Variants in SLC8A1 observed in about 807,000 individuals in gnomAD.
SLC8A1 encodes the protein sodium/calcium exchanger 1.
A neutral mutation model predicts 68.3 loss-of-function variants in SLC8A1; 18 were observed. The observed-to-expected ratio is 0.26, with a 90% CI of 0.18 to 0.39. SLC8A1 has a LOEUF of 0.39. Ranked by LOEUF, SLC8A1 falls within the 10% of genes least tolerant of loss-of-function variation. The probability of loss-of-function intolerance (pLI) is 1.00; values close to 1 mark genes in which losing one functional copy is unlikely to be tolerated. For missense variants in SLC8A1, 985 were observed against 1,156.7 expected, an observed-to-expected ratio of 0.85 and a Z score of 2.15; for synonymous variants, 475 against 415.5, an observed-to-expected ratio of 1.14 and a Z score of -1.74.
intron 1 of SLC8A1, among the ~76,000 whole-genome samples, chr2:40,445,691 C>G (rs1245097858): frequency 6.6e-6 from 1 of 152,140 alleles, no homozygotes; most frequent in East Asian, 1.9e-4. Flanking sequence ...GAACTTCTGA[C>G]AGCTAGCTGC....
At chr2:40,301,001 A>G (rs1345476372) in intron 2 of SLC8A1, among the ~76,000 whole-genome samples, 1 of 152,176 alleles carries the variant, frequency 6.6e-6, no homozygotes. Context: ...AAAAGAGGTA[A>G]GAAAATGTGG....
intron 2 of SLC8A1, among the ~76,000 whole-genome samples, chr2:40,369,214 G>A (rs1387722068): frequency 6.6e-6 from 1 of 152,084 alleles, no homozygotes; most frequent in African/African-American, 2.4e-5. Context: ...AAGAGCTTCT[G>A]CAAGGCAAAA....
At position 40,173,964 on chromosome 2, in the gene SLC8A1, T is replaced by G. The variant is rs56666599; in HGVS notation, c.1930+861A>C. 7.6e-3 allele frequency among the ~76,000 whole-genome samples: 1,156 copies of G among 152,290 alleles called. 7 individuals are homozygous for G. The highest frequency in any genetic ancestry group is 0.026 in the African/African-American group (1,081 of 41,572). On this transcript the variant is annotated intron_variant, in intron 4 of 7. Transcript: ENST00000406785. ...CTTTGTTTTGTACACAAGAATATAG[T>G]TTTAGAGTTGTGCTAAATAATGCAA...
At chr2:40,310,519 A>T (rs973100596) in intron 2 of SLC8A1, among the ~76,000 whole-genome samples, 1 of 152,194 alleles carries the variant, frequency 6.6e-6, no homozygotes. Flanking sequence ...CAAGCAGCCA[A>T]GGATCTGTAG....
At chr2:40,129,034 T>C (rs1365292227) in intron 7 of SLC8A1, among the ~76,000 whole-genome samples, 1 of 152,182 alleles carries the variant, frequency 6.6e-6, no homozygotes, top group Non-Finnish European at 1.5e-5. Flanking sequence ...ACTGGGGTGA[T>C]GAAATGTTCT....
chr2:40,194,918 C>G (rs934334570), intron 2 of SLC8A1, among the ~76,000 whole-genome samples: 1 of 152,088 alleles, frequency 6.6e-6, no homozygotes, highest in Non-Finnish European at 1.5e-5. Flanking sequence ...AAACAAAACA[C>G]AGAACCCAGA....
intron 1 of SLC8A1, among the ~76,000 whole-genome samples, chr2:40,478,406 A>G (rs1704420215): frequency 6.6e-6 from 1 of 152,206 alleles, no homozygotes; most frequent in Non-Finnish European, 1.5e-5. Context: ...TATGACCTTT[A>G]CAGATCTAAA....
chr2:40,133,539 C>T (rs2039845045), intron 7 of SLC8A1, among the ~76,000 whole-genome samples: 1 of 151,810 alleles, frequency 6.6e-6, no homozygotes, highest in African/African-American at 2.4e-5. Flanking sequence ...CATACAATGC[C>T]AGAAACTAAA....
chr2:40,258,459 C>G (rs1161639122), intron 2 of SLC8A1, among the ~76,000 whole-genome samples: 1 of 152,192 alleles, frequency 6.6e-6, no homozygotes, highest in Non-Finnish European at 1.5e-5. Context: ...TCCTACCTGT[C>G]ATTTCTTCCT....
intron 7 of SLC8A1, among the ~76,000 whole-genome samples, chr2:40,129,463 T>TG (rs2038880210): frequency 6.6e-6 from 1 of 152,122 alleles, no homozygotes; most frequent in South Asian, 2.1e-4. Flanking sequence ...CTCGAACTCC[T>TG]GGACTAAAGC....
At chr2:40,424,002 A>T (rs6737011) in intron 2 of SLC8A1, among the ~76,000 whole-genome samples, 1 of 151,602 alleles carries the variant, frequency 6.6e-6, no homozygotes, top group Non-Finnish European at 1.5e-5. Flanking sequence ...TCTTACATTA[A>T]TACATTACCT....
chr2:40,300,405 T>TGC (rs10673829), intron 2 of SLC8A1, among the ~76,000 whole-genome samples: 20,764 of 152,032 alleles, frequency 0.14, 1,589 homozygotes, highest in East Asian at 0.2. Context: ...CTTCACTGCT[T>TGC]TAGAAGTTCG....
intron 2 of SLC8A1, among the ~76,000 whole-genome samples, chr2:40,427,026 A>G (rs1697047069): frequency 2.6e-5 from 4 of 152,090 alleles, no homozygotes; most frequent in Admixed American, 2.6e-4. Context: ...AAGTATCCCA[A>G]CAAAACACAT....
chr2:40,203,299 G>C (rs1020646931), intron 2 of SLC8A1, among the ~76,000 whole-genome samples: 1 of 151,954 alleles, frequency 6.6e-6, no homozygotes, highest in African/African-American at 2.4e-5. Flanking sequence ...TATATCCAGA[G>C]ACAAACAAAT....
chr2:40,264,848 A>T (rs974948072), intron 2 of SLC8A1, among the ~76,000 whole-genome samples: 2 of 7,194 alleles, frequency 2.8e-4, no homozygotes, highest in Non-Finnish European at 7.8e-4. Context: ...TTAAAGTATA[A>T]AAAAAAAATA....
At chr2:40,344,494 G>A (rs753029547) in intron 2 of SLC8A1, among the ~76,000 whole-genome samples, 2 of 152,130 alleles carry the variant, frequency 1.3e-5, no homozygotes, top group Admixed American at 6.6e-5. Context: ...ATACAATAGT[G>A]GCTTTGGTTC....
intron 2 of SLC8A1, among the ~76,000 whole-genome samples, chr2:40,357,593 C>T (rs1432231839): frequency 2.0e-5 from 3 of 150,808 alleles, no homozygotes; most frequent in East Asian, 3.9e-4. Context: ...ATGTAGACGA[C>T]AGGTTGAAGG....
At chr2:40,150,410 G>A (rs959327823) in intron 6 of SLC8A1, among the ~76,000 whole-genome samples, 4 of 152,126 alleles carry the variant, frequency 2.6e-5, no homozygotes, top group African/African-American at 9.7e-5. Flanking sequence ...ACTTCTTTGG[G>A]TTAGGCTGCA....
At chr2:40,181,272 TCTAAGTAG>T (rs2049500361) in intron 2 of SLC8A1, among the ~76,000 whole-genome samples, 1 of 152,190 alleles carries the variant, frequency 6.6e-6, no homozygotes, top group Admixed American at 6.5e-5. Context: ...TTTTCTATAC[TCTAAGTAG>T]CTGATGGGTG....
Sources: gnomAD v4.1 joint callset for allele counts (sites outside exome capture counted in the v4.1 genomes callset) on GRCh38, gnomAD v4.1.1 for gene constraint, MANE v1.5 for transcripts, NCBI Gene and HGNC (gene_info 2026-07-23, HGNC 2026-07-21) for gene names.